Variants in RGS6 observed in about 807,000 individuals in gnomAD.
RGS6 encodes regulator of G-protein signaling 6.
In RGS6, 30 loss-of-function variants were observed where a neutral mutation model predicts 78.5. The ratio of observed to expected loss-of-function variants is 0.38; its 90% CI spans 0.29 to 0.52. RGS6 has a LOEUF of 0.52. Ranked by LOEUF, RGS6 falls within the 20% of genes least tolerant of loss-of-function variation. The pLI is 0.85. For synonymous variants in RGS6, 206 were observed against 206.0 expected (o/e 1.00, Z 0.00); for missense variants, 495 against 609.7 (o/e 0.81, Z 1.98).
chr14:72,166,840 A>G (rs2096934698), intron 2 of RGS6, among the ~76,000 whole-genome samples: 1 of 152,194 alleles, frequency 6.6e-6, no homozygotes, highest in Admixed American at 6.5e-5. Context: ...CGTACTCACT[A>G]TATTGTGAGT....
At chr14:72,398,018 A>G (rs56049400) in intron 3 of RGS6, among the ~76,000 whole-genome samples, 2,921 of 151,830 alleles carry the variant, frequency 0.019, 111 homozygotes, top group African/African-American at 0.066. Context: ...TTCTCTTTTT[A>G]TGTGGTGTCT....
chr14:72,321,505 A>T (rs1257549519), intron 2 of RGS6, among the ~76,000 whole-genome samples: 1 of 152,084 alleles, frequency 6.6e-6, no homozygotes, highest in African/African-American at 2.4e-5. Context: ...TAGAAGGATG[A>T]GCAAAGGAAT....
At chr14:71,930,528 A>G (rs2087793743), upstream of RGS6, among the ~76,000 whole-genome samples, 2 of 152,340 alleles carry the variant, frequency 1.3e-5, no homozygotes, top group South Asian at 4.1e-4. Flanking sequence ...ATATGAAAAT[A>G]CATATCTAAT....
At chr14:71,952,136 T>C (rs920291454) in intron 1 of RGS6, among the ~76,000 whole-genome samples, 3 of 152,206 alleles carry the variant, frequency 2.0e-5, no homozygotes, top group Non-Finnish European at 4.4e-5. Context: ...TTGTATAGGC[T>C]AAGACCTCAA....
chr14:72,389,703 T>C (rs2089408774), intron 3 of RGS6, among the ~76,000 whole-genome samples: 1 of 152,172 alleles, frequency 6.6e-6, no homozygotes, highest in Non-Finnish European at 1.5e-5. Context: ...TAATTGTGGT[T>C]GGCTATTTGT....
chr14:72,453,006 G>T (rs1287374154), intron 3 of RGS6, among the ~76,000 whole-genome samples: 4 of 152,196 alleles, frequency 2.6e-5, no homozygotes, highest in African/African-American at 9.7e-5. Context: ...ACCCAGGCCT[G>T]TTGCACTTGG....
the RGS6 span, among the ~76,000 whole-genome samples, chr14:72,614,955 C>T: frequency 6.6e-6 from 1 of 151,414 alleles, no homozygotes; most frequent in African/African-American, 2.4e-5. Flanking sequence ...TTCTCCCTCC[C>T]CAGGAATGGA....
At chr14:71,885,306 A>G in the RGS6 span, among the ~76,000 whole-genome samples, 1 of 152,250 alleles carries the variant, frequency 6.6e-6, no homozygotes, top group South Asian at 2.1e-4. Flanking sequence ...TTTCTACTCC[A>G]TCGACATAGC....
intron 2 of RGS6, among the ~76,000 whole-genome samples, chr14:72,125,043 T>C (rs2096153849): frequency 6.6e-6 from 1 of 152,156 alleles, no homozygotes; most frequent in African/African-American, 2.4e-5. Context: ...AGTTAACAAA[T>C]ATAAAAGATG....
intron 1 of RGS6, among the ~76,000 whole-genome samples, chr14:71,959,650 C>T (rs988115878): frequency 4.0e-5 from 6 of 149,916 alleles, no homozygotes; most frequent in African/African-American, 7.3e-5. Context: ...GTTGTTGGAC[C>T]GCTGAAGGCT....
intron 2 of RGS6, among the ~76,000 whole-genome samples, chr14:72,040,540 TTC>T (rs200432807): frequency 1.3e-5 from 2 of 151,486 alleles, no homozygotes; most frequent in African/African-American, 4.9e-5. Context: ...TTTTTCAAGA[TTC>T]TCTCTTTGTT....
intron 2 of RGS6, chr14:71,990,449 T>G (rs569343325): frequency 2.7e-6 from 1 of 368,310 alleles, no homozygotes; most frequent in South Asian, 2.0e-5. Flanking sequence ...TTCCAAGGTT[T>G]GTGTCCTTTG....
chr14:72,247,549 G>A (rs2054540373), intron 2 of RGS6, among the ~76,000 whole-genome samples: 1 of 152,218 alleles, frequency 6.6e-6, no homozygotes, highest in Admixed American at 6.5e-5. Context: ...AAATCAACAT[G>A]AGCAGTTAAT....
intron 2 of RGS6, among the ~76,000 whole-genome samples, chr14:72,185,446 A>G (rs994392886): frequency 2.0e-5 from 3 of 152,224 alleles, no homozygotes; most frequent in Admixed American, 6.5e-5. Flanking sequence ...ATACCCTCAT[A>G]GAAAACTCTT....
intron 2 of RGS6, among the ~76,000 whole-genome samples, chr14:72,004,756 G>A (rs867558370): frequency 6.6e-6 from 1 of 152,282 alleles, no homozygotes; most frequent in African/African-American, 2.4e-5. Flanking sequence ...CCCCCAGGAG[G>A]TGGAGCTTGC....
chr14:72,347,752 C>A (rs541021162), intron 2 of RGS6, among the ~76,000 whole-genome samples: 1 of 152,290 alleles, frequency 6.6e-6, no homozygotes, highest in Non-Finnish European at 1.5e-5. Context: ...AGATGAGACG[C>A]TGTGTATATA....
the RGS6 span, among the ~76,000 whole-genome samples, chr14:71,888,410 C>CT: frequency 7.2e-6 from 1 of 138,322 alleles, no homozygotes; most frequent in Non-Finnish European, 1.5e-5. Flanking sequence ...ACAGCAAAAG[C>CT]TCTGTCTCAA....
rs149461544 is a variant in RGS6 at position 72,544,525 on chromosome 14, A to G, written c.1422+4431A>G. On this transcript the variant is annotated intron_variant, in intron 17 of 17. Transcript: ENST00000553525. ...ACGGAGGAGAAGGGAGAGGAGGACCAGGCGTTCATCCACCTCCTAAGAGAG... is the reference window on the plus strand; with the variant it reads ...ACGGAGGAGAAGGGAGAGGAGGACCGGGCGTTCATCCACCTCCTAAGAGAG... Among the ~76,000 whole-genome samples the G allele has an allele frequency of 3.8e-3, 581 of 152,322 alleles. 4 individuals are homozygous for G. The highest frequency in any genetic ancestry group is 0.013 in the African/African-American group (544 of 41,574).
Position 72,155,955 on chromosome 14 carries a change from G to C in RGS6, c.84+191080G>C, listed in dbSNP as rs577421926. On this transcript the variant is annotated intron_variant, in intron 2 of 17. Transcript: ENST00000553525. ...AACGGCCTGGAGCAGTTGCTCTCAG[G>C]CTTGTCTGCAGATTAGAATCACCTG... 2.0e-5 allele frequency among the ~76,000 whole-genome samples: 3 copies of C among 152,224 alleles called. No individual in the cohort carries two copies. In the East Asian group the frequency reaches 5.8e-4, roughly 29 times the overall value.
Sources: gnomAD v4.1 joint callset for allele counts (sites outside exome capture counted in the v4.1 genomes callset) on GRCh38, gnomAD v4.1.1 for gene constraint, MANE v1.5 for transcripts, NCBI Gene and HGNC (gene_info 2026-07-23, HGNC 2026-07-21) for gene names.